PCDHA2: variants seen among roughly 807,000 people sequenced by gnomAD.
PCDHA2 encodes the protein protocadherin alpha-2.
Under a neutral mutation model 66.0 loss-of-function variants are expected in PCDHA2, and 58 were observed. That is an observed-to-expected ratio of 0.88 (90% CI 0.71 to 1.09). The LOEUF (loss-of-function observed/expected upper bound fraction) is 1.09. Among genes scored for constraint, PCDHA2 ranks in the 50% least tolerant of loss-of-function variants. The probability of loss-of-function intolerance (pLI) is 0.00; values close to 1 mark genes in which losing one functional copy is unlikely to be tolerated. For synonymous variants in PCDHA2, 634 were observed against 554.0 expected (o/e 1.14, Z -2.03); for missense variants, 1,267 against 1,242.3 (o/e 1.02, Z -0.30).
intron 1 of PCDHA2, chr5:140,843,329 G>T: frequency 6.3e-7 from 1 of 1,596,060 alleles, no homozygotes; most frequent in Non-Finnish European, 8.6e-7. Context: ...GGTGTCGCTG[G>T]TGGAGAGCGG....
At chr5:140,927,713 A>G in intron 1 of PCDHA2, 1 of 1,614,180 alleles carries the variant, frequency 6.2e-7, no homozygotes, top group Non-Finnish European at 8.5e-7. Flanking sequence ...TCCCTAAGCA[A>G]CAGCACGCAA....
intron 1 of PCDHA2, among the ~76,000 whole-genome samples, chr5:140,940,470 AT>A (rs201096499): frequency 2.7e-5 from 4 of 149,646 alleles, no homozygotes; most frequent in South Asian, 2.1e-4. Flanking sequence ...GTTCCCTGCA[AT>A]TTTTTTTTTC....
intron 1 of PCDHA2, chr5:140,882,709 T>G (rs782343997): frequency 6.2e-7 from 1 of 1,614,022 alleles, no homozygotes; most frequent in Non-Finnish European, 8.5e-7. Flanking sequence ...AATCTAGACC[T>G]CCGGAAACTC....
At chr5:140,957,919 A>G (rs1477103013) in intron 1 of PCDHA2, among the ~76,000 whole-genome samples, 1 of 152,158 alleles carries the variant, frequency 6.6e-6, no homozygotes, top group Non-Finnish European at 1.5e-5. Flanking sequence ...TTATCTATGT[A>G]TCAAGCTAAA....
Position 140,797,360 on chromosome 5 carries a change from T to A in PCDHA2, c.2388+8T>A, listed in dbSNP as rs782727514. ...TCAGAATACGTAGGAAAGGTGAGTC[T>A]TTTACTTTTTCTTGCCAATTCTAAA... On this transcript the variant is annotated splice_region_variant and intron_variant, in intron 1 of 3. Coordinates refer to ENST00000526136, the MANE Select transcript of PCDHA2 (RefSeq NM_018905.3). 6.2e-7 allele frequency: 1 copy of A among 1,611,268 alleles called. No individual in the cohort carries two copies.
rs782444555 is a variant in PCDHA2, at chr5:140,883,708, G to C, written c.2388+86356G>C. 1.2e-6 allele frequency: 2 copies of C among 1,613,664 alleles called. No homozygotes were observed. The highest frequency in any genetic ancestry group is 1.7e-6 in the Non-Finnish European group (2 of 1,179,838). On this transcript the variant is annotated intron_variant, in intron 1 of 3. Coordinates refer to ENST00000526136, the MANE Select transcript of PCDHA2 (RefSeq NM_018905.3). ...GCCACATCTTCACGGTGTCTGCTCA[G>C]GACGCGGACGCACAGGAGAACGCGC...
chr5:141,006,944 A>G (rs2098295543), intron 3 of PCDHA2, among the ~76,000 whole-genome samples: 1 of 152,202 alleles, frequency 6.6e-6, no homozygotes, highest in African/African-American at 2.4e-5. Context: ...GATACCAGAT[A>G]GGCAGTTATA....
intron 1 of PCDHA2, among the ~76,000 whole-genome samples, chr5:140,878,558 C>T: frequency 6.6e-6 from 1 of 152,172 alleles, no homozygotes; most frequent in African/African-American, 2.4e-5. Flanking sequence ...TGATCCCAAA[C>T]TTATCATAGT....
chr5:140,870,908 A>G, intron 1 of PCDHA2: 1 of 1,613,928 alleles, frequency 6.2e-7, no homozygotes, highest in Non-Finnish European at 8.5e-7. Flanking sequence ...GACTCAGGCT[A>G]CAACGCGTGG....
At chr5:140,850,719 T>C in intron 1 of PCDHA2, 1 of 1,597,696 alleles carries the variant, frequency 6.3e-7, no homozygotes, top group Non-Finnish European at 8.6e-7. Flanking sequence ...GCTGGTGTGT[T>C]CTAGCGCGGT....
rs202010088 is a variant in PCDHA2 at position 140,869,201 on chromosome 5, A to G, written c.2388+71849A>G. On this transcript the variant is annotated intron_variant, in intron 1 of 3. Transcript: ENST00000526136. ...GAGGTGGGGAGCGGCCAGCTCCACTACTCCGTCTCGGAGGAGGCCAAACAC... is the reference window on the plus strand; with the variant it reads ...GAGGTGGGGAGCGGCCAGCTCCACTGCTCCGTCTCGGAGGAGGCCAAACAC... 1.3e-3 allele frequency: 2,112 copies of G among 1,612,868 alleles called. 36 individuals carry two copies. The highest frequency in any genetic ancestry group is 1.6e-3 in the Admixed American group (96 of 59,934).
intron 1 of PCDHA2, among the ~76,000 whole-genome samples, chr5:140,907,440 C>T (rs781836409): frequency 4.6e-5 from 7 of 152,222 alleles, no homozygotes; most frequent in Non-Finnish European, 1.0e-4. Flanking sequence ...TGTGAGTCCA[C>T]AGATGGTAAT....
In PCDHA2 at chr5:140,857,691, T is replaced by A. The variant is rs189067845; in HGVS notation, c.2388+60339T>A. ...GGCGTGCCGCCTCTGGGCAGCAACTTGACGCTGCAGGTGTTCGTGCTGGAC... is the reference window on the plus strand; with the variant it reads ...GGCGTGCCGCCTCTGGGCAGCAACTAGACGCTGCAGGTGTTCGTGCTGGAC... On this transcript the variant is annotated intron_variant, in intron 1 of 3. Coordinates refer to ENST00000526136, the MANE Select transcript of PCDHA2 (RefSeq NM_018905.3). 1.9e-6 allele frequency: 3 copies of A among 1,597,120 alleles called. 1 individual carries two copies. The highest frequency in any genetic ancestry group is 2.6e-6 in the Non-Finnish European group (3 of 1,167,726).
intron 1 of PCDHA2, among the ~76,000 whole-genome samples, chr5:140,902,554 A>AT (rs1414683182): frequency 6.6e-6 from 1 of 151,896 alleles, no homozygotes; most frequent in East Asian, 1.9e-4. Context: ...CTATACCCAG[A>AT]TTTTTGAGGG....
intron 1 of PCDHA2, chr5:140,869,913 C>A (rs782111162): frequency 6.2e-7 from 1 of 1,610,636 alleles, no homozygotes; most frequent in African/African-American, 1.3e-5. Flanking sequence ...CAGACCGAGA[C>A]GAAGGAGTCA....
chr5:140,872,791 G>A (rs549291235), intron 1 of PCDHA2, among the ~76,000 whole-genome samples: 1 of 152,194 alleles, frequency 6.6e-6, no homozygotes, highest in South Asian at 2.1e-4. Flanking sequence ...TATGCTAGTT[G>A]GCATTCTTCC....
At chr5:140,824,377 T>A in intron 1 of PCDHA2, 1 of 566,840 alleles carries the variant, frequency 1.8e-6, no homozygotes, top group Non-Finnish European at 3.1e-6. Context: ...GAATTTTGCA[T>A]CTCTAAAAAT....
chr5:140,896,137 G>A (rs547993953), intron 1 of PCDHA2, among the ~76,000 whole-genome samples: 16 of 152,260 alleles, frequency 1.1e-4, no homozygotes, highest in African/African-American at 3.1e-4. Flanking sequence ...TTTATCCAGT[G>A]CACCATTGAT....
intron 1 of PCDHA2, chr5:140,802,723 C>T: frequency 6.2e-7 from 1 of 1,612,564 alleles, no homozygotes; most frequent in Admixed American, 1.7e-5. Context: ...AGCTACGTGT[C>T]GGTACACGCG....
Sources: gnomAD v4.1 joint callset for allele counts (sites outside exome capture counted in the v4.1 genomes callset) on GRCh38, gnomAD v4.1.1 for gene constraint, MANE v1.5 for transcripts, NCBI Gene and HGNC (gene_info 2026-07-23, HGNC 2026-07-21) for gene names.